The following DAB1 variants were observed in gnomAD, a reference collection of about 807,000 sequenced individuals.
DAB1 encodes the protein DAB adaptor protein 1.
Under a neutral mutation model 64.6 loss-of-function variants are expected in DAB1, and 15 were observed. The observed-to-expected ratio is 0.23, with a 90% CI of 0.16 to 0.36. DAB1 has a LOEUF of 0.36. Ranked by LOEUF, DAB1 falls within the 10% of genes least tolerant of loss-of-function variation. DAB1 has a pLI of 1.00. For synonymous variants in DAB1, 235 were observed against 251.9 expected, an observed-to-expected ratio of 0.93 and a Z score of 0.64; for missense variants, 596 against 706.7, an observed-to-expected ratio of 0.84 and a Z score of 1.78.
intron 4 of DAB1, among the ~76,000 whole-genome samples, chr1:58,285,867 A>T (rs6661925): frequency 0.55 from 84,130 of 152,064 alleles, 27,091 homozygotes; most frequent in Non-Finnish European, 0.7. Flanking sequence ...AGACAATTGT[A>T]AGTAAAAAGA....
chr1:57,594,859 T>C (rs571017076), intron 7 of DAB1, among the ~76,000 whole-genome samples: 24 of 152,078 alleles, frequency 1.6e-4, no homozygotes, highest in South Asian at 4.2e-4. Context: ...TACAGGCGCC[T>C]GCCACCACGC....
intron 11 of DAB1, among the ~76,000 whole-genome samples, chr1:57,022,021 A>G (rs1389151425): frequency 6.6e-6 from 1 of 152,166 alleles, no homozygotes; most frequent in East Asian, 1.9e-4. Flanking sequence ...TTTTAAATAT[A>G]TTATGCAAAT....
At chr1:57,595,269 T>A (rs968315748) in intron 7 of DAB1, among the ~76,000 whole-genome samples, 1 of 152,014 alleles carries the variant, frequency 6.6e-6, no homozygotes, top group African/African-American at 2.4e-5. Context: ...ATTCTAGATT[T>A]TTTTTAGATT....
chr1:57,049,643 C>G (rs1425874244), intron 9 of DAB1, among the ~76,000 whole-genome samples: 1 of 151,896 alleles, frequency 6.6e-6, no homozygotes, highest in African/African-American at 2.4e-5. Context: ...TCAAACTCAT[C>G]TCGCTTTTTC....
chr1:57,539,783 A>G (rs988430534), intron 7 of DAB1, among the ~76,000 whole-genome samples: 1 of 152,218 alleles, frequency 6.6e-6, no homozygotes, highest in Non-Finnish European at 1.5e-5. Context: ...TAAATAATGA[A>G]GCTACGTCAG....
intron 7 of DAB1, among the ~76,000 whole-genome samples, chr1:57,633,443 A>G (rs546920271): frequency 6.6e-6 from 1 of 152,264 alleles, no homozygotes; most frequent in Admixed American, 6.5e-5. Flanking sequence ...TCATTGGCCC[A>G]ATGTGTGGTG....
At chr1:58,167,193 G>T (rs956118584) in intron 4 of DAB1, among the ~76,000 whole-genome samples, 3 of 152,218 alleles carry the variant, frequency 2.0e-5, no homozygotes, top group African/African-American at 7.2e-5. Flanking sequence ...TCTGGGTCAG[G>T]TGGGGACTTG....
intron 4 of DAB1, among the ~76,000 whole-genome samples, chr1:58,247,856 T>A (rs892937843): frequency 6.6e-6 from 1 of 150,646 alleles, no homozygotes; most frequent in Non-Finnish European, 1.5e-5. Context: ...TGGTTGTATT[T>A]GAAGACTTAA....
At chr1:58,029,792 T>C (rs1474943018) in intron 5 of DAB1, among the ~76,000 whole-genome samples, 4 of 152,216 alleles carry the variant, frequency 2.6e-5, no homozygotes, top group African/African-American at 4.8e-5. Flanking sequence ...TATTATGCTA[T>C]AGCCATACAA....
chr1:58,132,795 C>T (rs1416651868), intron 5 of DAB1, among the ~76,000 whole-genome samples: 2 of 152,156 alleles, frequency 1.3e-5, no homozygotes, highest in African/African-American at 2.4e-5. Flanking sequence ...ACTGTCCTGG[C>T]TGGTCTGTAG....
rs1553162700 is a variant in DAB1 at position 57,269,092 on chromosome 1, G to C, written c.67+21872C>G. On this transcript the variant is annotated intron_variant, in intron 2 of 14. Coordinates refer to ENST00000371236, the MANE Select transcript of DAB1 (RefSeq NM_001365792.1). The stretch of plus-strand genomic sequence containing the variant: ...CTGTGGGAATTGGATCCACAGAGGA[G>C]ATACAGCCACTGTCAGAGCCACAAC... Among the ~76,000 whole-genome samples the C allele has an allele frequency of 1.1e-4, 16 of 152,106 alleles. 1 individual carries two copies. The highest frequency in any genetic ancestry group is 2.4e-4 in the Non-Finnish European group (16 of 68,026).
At chr1:58,530,830 C>T (rs1264068295) in intron 1 of DAB1, 2 of 676,080 alleles carry the variant, frequency 3.0e-6, no homozygotes, top group Non-Finnish European at 5.1e-6. Flanking sequence ...TGACCTTCTC[C>T]ACCTAAGACT....
At chr1:57,714,979 A>C (rs1271252177) in intron 6 of DAB1, among the ~76,000 whole-genome samples, 1 of 152,214 alleles carries the variant, frequency 6.6e-6, no homozygotes, top group Non-Finnish European at 1.5e-5. Flanking sequence ...ACACACCAAA[A>C]AGAAAACTAT....
At chr1:57,878,750 T>C (rs1644094558) in intron 1 of DAB1, 1 of 152,160 alleles carries the variant, frequency 6.6e-6, no homozygotes, top group Non-Finnish European at 1.5e-5. Context: ...CACCCAACAG[T>C]GCTGTAGAAC....
intron 7 of DAB1, among the ~76,000 whole-genome samples, chr1:57,580,372 G>T (rs567247133): frequency 6.6e-6 from 1 of 152,118 alleles, no homozygotes; most frequent in East Asian, 1.9e-4. Flanking sequence ...TCCATGTCTG[G>T]CCAACCGACT....
chr1:57,628,443 C>G (rs1381456134), intron 7 of DAB1, among the ~76,000 whole-genome samples: 2 of 152,170 alleles, frequency 1.3e-5, no homozygotes, highest in Admixed American at 1.3e-4. Context: ...AACCTTAAGT[C>G]AGCCATTCAC....
At chr1:58,424,464 C>A (rs1357049432) in intron 3 of DAB1, among the ~76,000 whole-genome samples, 1 of 152,224 alleles carries the variant, frequency 6.6e-6, no homozygotes, top group Non-Finnish European at 1.5e-5. Flanking sequence ...GGGATTCTCT[C>A]GGTTTTATCT....
chr1:57,525,943 T>C (rs1644587744), intron 7 of DAB1, among the ~76,000 whole-genome samples: 1 of 151,066 alleles, frequency 6.6e-6, no homozygotes, highest in East Asian at 1.9e-4. Context: ...GCATTTCTTT[T>C]TTTTTTTTTT....
At chr1:58,110,412 G>C (rs1651905912) in intron 5 of DAB1, among the ~76,000 whole-genome samples, 1 of 152,152 alleles carries the variant, frequency 6.6e-6, no homozygotes, top group African/African-American at 2.4e-5. Context: ...TGATGTTAAG[G>C]AAAAACTAAC....
Sources: gnomAD v4.1 joint callset for allele counts (sites outside exome capture counted in the v4.1 genomes callset) on GRCh38, gnomAD v4.1.1 for gene constraint, MANE v1.5 for transcripts, NCBI Gene and HGNC (gene_info 2026-07-23, HGNC 2026-07-21) for gene names.